The following MRC2 variants were observed in gnomAD, a reference collection of about 807,000 sequenced individuals.
MRC2 encodes the protein C-type mannose receptor 2.
In MRC2, 84 loss-of-function variants were observed where a neutral mutation model predicts 206.2. That is an observed-to-expected ratio of 0.41 (90% CI 0.34 to 0.49). MRC2 has a LOEUF of 0.49. MRC2 is among the 20% of genes least tolerant of loss of function. The pLI, the probability that MRC2 is intolerant of heterozygous loss-of-function variation, is 0.31. For missense variants in MRC2, 1,676 were observed against 2,001.5 expected (o/e 0.84, Z 3.10); for synonymous variants, 798 against 800.0 (o/e 1.00, Z 0.04).
rs1448221873 is a variant in MRC2, at chr17:62,676,500, C to A, written c.1803C>A (p.Val601=). ...TCTTCTGGCTCAGTGGGGATGAAGT[C>A]ATGTACACCCACTGGAACCGGGACC... ...GSFFWLSGDE[V]MYTHWNRDQP... Residue 601 remains valine (V), a synonymous_variant, in exon 11 of 30, where the codon GTC becomes GTA. Transcript: ENST00000303375. 1 of 1,606,182 alleles carries A rather than the reference C, an allele frequency of 6.2e-7. No homozygotes were observed. Among genetic ancestry groups the A allele is most frequent in the Non-Finnish European group, 8.5e-7 (1 of 1,176,230 alleles).
At chr17:62,679,594 C>T (rs1290026572) in intron 13 of MRC2, 5 of 453,112 alleles carry the variant, frequency 1.1e-5, no homozygotes, top group African/African-American at 7.9e-5. Flanking sequence ...TGGCTTGGTC[C>T]AGCTCTCCCC....
intron 25 of MRC2, 37 bp downstream of exon 25, chr17:62,690,099 G>A: frequency 1.3e-6 from 2 of 1,582,250 alleles, no homozygotes; most frequent in Non-Finnish European, 1.7e-6. Flanking sequence ...GCATGGGCAA[G>A]CTGTCGGTGG....
At chr17:62,632,413 C>G (rs2088252999) in intron 1 of MRC2, among the ~76,000 whole-genome samples, 1 of 152,218 alleles carries the variant, frequency 6.6e-6, no homozygotes, top group Non-Finnish European at 1.5e-5. Context: ...CTCTGCTCCC[C>G]TCAGCCTCCC....
intron 8 of MRC2, among the ~76,000 whole-genome samples, chr17:62,673,367 C>A (rs1357175875): frequency 6.6e-6 from 1 of 152,186 alleles, no homozygotes; most frequent in East Asian, 1.9e-4. Context: ...GGCCTCTGCA[C>A]ACTCTGGCCC....
chr17:62,638,582 A>G (rs1363250916), intron 1 of MRC2, among the ~76,000 whole-genome samples: 1 of 151,990 alleles, frequency 6.6e-6, no homozygotes, highest in Non-Finnish European at 1.5e-5. Context: ...TACCAAAAAT[A>G]TAAAAATTAG....
At position 62,692,298 on chromosome 17, in the gene MRC2, G is replaced by C. The variant is rs774337017; in HGVS notation, c.4287G>C (p.Leu1429=). The change falls in exon 30 of 30, where the codon CTG becomes CTC. Residue 1429 remains leucine, a synonymous_variant. Coordinates refer to ENST00000303375, the MANE Select transcript of MRC2 (RefSeq NM_006039.5). The surrounding 1 kb of genome is among the most constrained non-coding windows in gnomAD (Gnocchi z 4.2). ...LMAVLLLLAL[L]TAALILYRRR... is the part of the protein sequence containing the mutation. Reference sequence around the variant, plus strand: ...CGGTGCTGCTGCTCCTGGCCTTGCTGACCGCAGCCCTCATCCTTTACCGGA... The same window carrying C: ...CGGTGCTGCTGCTCCTGGCCTTGCTCACCGCAGCCCTCATCCTTTACCGGA... 27 of 1,595,356 alleles carry C rather than the reference G, an allele frequency of 1.7e-5. No homozygotes were observed. Among genetic ancestry groups the C allele is most frequent in the Non-Finnish European group, 2.0e-5 (24 of 1,171,226 alleles).
intron 1 of MRC2, among the ~76,000 whole-genome samples, chr17:62,633,840 CAAAAAAAAAAAAAAAAAAAAAAAAAAAAA>C (rs571793821): frequency 3.0e-5 from 1 of 33,892 alleles, no homozygotes; most frequent in Admixed American, 6.4e-4. Context: ...GACCCTGTCT[CAAAAAAAAAAAAAAAAAAAAAAAAAAAAA>C]AAAAAAAAAA....
At chr17:62,659,676 T>G (rs1410759267) in intron 1 of MRC2, among the ~76,000 whole-genome samples, 1 of 152,034 alleles carries the variant, frequency 6.6e-6, no homozygotes, top group African/African-American at 2.4e-5. Flanking sequence ...TAGGGGTACT[T>G]TAGGAAGCTC....
At chr17:62,634,067 C>G (rs754058463) in intron 1 of MRC2, among the ~76,000 whole-genome samples, 5 of 151,996 alleles carry the variant, frequency 3.3e-5, no homozygotes, top group Non-Finnish European at 5.9e-5. Context: ...GCTGCTTATA[C>G]AATTGTTACT....
chr17:62,643,327 C>CAA lies in MRC2; in HGVS notation c.118+15426_118+15427dup, dbSNP rs59698063. On this transcript the variant is annotated intron_variant, in intron 1 of 29. Transcript: ENST00000303375. ...TGGGTGACAAAGAGTGAAACTCCGT[C>CAA]AAAAAAAAAAAAAAAAAAAAGAAAA... 2.6e-3 allele frequency among the ~76,000 whole-genome samples: 115 copies of CAA among 44,152 alleles called. 1 individual carries two copies. Among genetic ancestry groups the CAA allele is most frequent in the African/African-American group, 5.4e-3 (93 of 17,358 alleles). 29.0% of individuals were successfully genotyped at this position (44,152 alleles called of 152,430 possible).
In MRC2 at chr17:62,692,032, T is replaced by A; in HGVS notation, c.4193-80T>A. The A allele has an allele frequency of 6.3e-7, 1 of 1,597,798 alleles. No homozygotes were observed. Among genetic ancestry groups the A allele is most frequent in the South Asian group, 1.1e-5 (1 of 90,406 alleles). On this transcript the variant is annotated intron_variant, in intron 28 of 29. Transcript: ENST00000303375. The surrounding 1 kb of genome is among the most constrained non-coding windows in gnomAD (Gnocchi z 4.2). The stretch of plus-strand genomic sequence containing the variant: ...CTCCCCAGACCTCCCGGCCCAGGCC[T>A]GTGTGCTTTGTATGTTTACTTAAGT...
At chr17:62,665,528 A>G (rs1030199711) in intron 2 of MRC2, among the ~76,000 whole-genome samples, 21 of 152,200 alleles carry the variant, frequency 1.4e-4, no homozygotes, top group African/African-American at 5.1e-4. Context: ...ATACAAGTAT[A>G]TAACATAAAA....
At chr17:62,630,659 G>A (rs2084208811) in intron 1 of MRC2, among the ~76,000 whole-genome samples, 1 of 152,140 alleles carries the variant, frequency 6.6e-6, no homozygotes. Flanking sequence ...AGGAATGAGG[G>A]GATAGTTGCT....
At chr17:62,684,670 A>G (rs1317047737) in intron 20 of MRC2, among the ~76,000 whole-genome samples, 1 of 152,214 alleles carries the variant, frequency 6.6e-6, no homozygotes, top group Non-Finnish European at 1.5e-5. Context: ...TGCCAGGGTA[A>G]TTGGCATTAA....
Position 62,667,473 on chromosome 17 carries a change from A to G in MRC2, c.1057A>G (p.Ile353Val). 1 of 1,612,772 alleles carries G rather than the reference A, an allele frequency of 6.2e-7. No homozygotes were observed. Among genetic ancestry groups the G allele is most frequent in the South Asian group, 1.1e-5 (1 of 91,008 alleles). Residue 353 changes from isoleucine to valine, a missense_variant, in exon 6 of 30, where the codon ATC becomes GTC. Transcript: ENST00000303375. The surrounding 1 kb of genome is among the most constrained non-coding windows in gnomAD (Gnocchi z 4.1). ...CGGCTGGCAGAACCGTGACTGCAGC[A>G]TCGCGCTGCCCTATGTGTGCAAGAA... Reference protein sequence around the residue: ...SGGWQNRDCSIALPYVCKKKP... With the variant: ...SGGWQNRDCSVALPYVCKKKP...
intron 1 of MRC2, among the ~76,000 whole-genome samples, chr17:62,629,845 C>T (rs185386079): frequency 6.4e-4 from 98 of 152,362 alleles, no homozygotes; most frequent in Non-Finnish European, 1.1e-3. Flanking sequence ...CAGGCCAGTG[C>T]TGCTGGGGGC....
At chr17:62,650,267 C>G (rs552459962) in intron 1 of MRC2, among the ~76,000 whole-genome samples, 1 of 152,288 alleles carries the variant, frequency 6.6e-6, no homozygotes, top group East Asian at 1.9e-4. Context: ...AAGCATGATA[C>G]TATATGGCCA....
chr17:62,689,537 C>T lies in MRC2; in HGVS notation c.3350C>T (p.Pro1117Leu). 6 of 1,580,366 alleles carry T rather than the reference C, an allele frequency of 3.8e-6. No homozygotes were observed. The highest frequency in any genetic ancestry group is 5.2e-6 in the Non-Finnish European group (6 of 1,162,056). The part of the protein sequence containing the change: ...CQKGTDPSLS[P>L]SPAALPPAPG... ...TTCCCTGTAGACCCCTCCCTGAGCC[C>T]GTCCCCAGCAGCGCTGCCCCCCGCC... Residue 1117 changes from proline to leucine, a missense_variant, in exon 24 of 30, where the codon CCG becomes CTG. By Grantham distance (98) the Pro-to-Leu change is moderately conservative. Coordinates refer to ENST00000303375, the MANE Select transcript of MRC2 (RefSeq NM_006039.5).
Position 62,633,824 on chromosome 17 carries a change from G to A in MRC2, c.118+5904G>A, listed in dbSNP as rs2953187. Among the ~76,000 whole-genome samples, 411 of 108,158 alleles carry A rather than the reference G, an allele frequency of 3.8e-3. 3 individuals are homozygous for A. Among genetic ancestry groups the A allele is most frequent in the African/African-American group, 0.014 (384 of 28,374 alleles). The allele number at this position is 108,158 out of a possible 152,430, so 71.0% of individuals were successfully genotyped here. ...TCATTGCATTCCAGCCTGAGTGACA[G>A]AGTGAGACCCTGTCTCAAAAAAAAA... On this transcript the variant is annotated intron_variant, in intron 1 of 29. Coordinates refer to ENST00000303375, the MANE Select transcript of MRC2 (RefSeq NM_006039.5).
Sources: gnomAD v4.1 joint callset for allele counts (sites outside exome capture counted in the v4.1 genomes callset) on GRCh38, gnomAD v4.1.1 for gene constraint, Gnocchi (gnomAD v3.1) non-coding constraint, MANE v1.5 for transcripts, NCBI Gene and HGNC (gene_info 2026-07-23, HGNC 2026-07-21) for gene names.